RBFOX1: variants seen among roughly 807,000 people sequenced by gnomAD.
The protein encoded by RBFOX1 is RNA binding fox-1 homolog 1, also known as RNA binding protein fox-1 homolog 1.
A neutral mutation model predicts 57.7 loss-of-function variants in RBFOX1; 8 were observed. The observed-to-expected ratio is 0.14, with a 90% CI of 0.08 to 0.25. The LOEUF is 0.25. RBFOX1 is among the 10% of genes least tolerant of loss of function. The pLI, the probability that RBFOX1 is intolerant of heterozygous loss-of-function variation, is 1.00. For synonymous variants in RBFOX1, 326 were observed against 222.4 expected (o/e 1.47, Z -4.15); for missense variants, 611 against 548.5 (o/e 1.11, Z -1.14).
intron 1 of RBFOX1, among the ~76,000 whole-genome samples, chr16:5,373,810 G>C (rs559678154): frequency 2.2e-4 from 34 of 152,212 alleles, no homozygotes; most frequent in Middle Eastern, 3.4e-3. Flanking sequence ...CACCATACTG[G>C]TCAGGCTGGT....
At chr16:7,053,933 G>C (rs890178287) in intron 4 of RBFOX1, among the ~76,000 whole-genome samples, 3 of 151,980 alleles carry the variant, frequency 2.0e-5, no homozygotes, top group African/African-American at 2.4e-5. Context: ...ACATATATAG[G>C]GTTCAAAATT....
At chr16:6,730,092 C>T (rs187308507) in intron 3 of RBFOX1, among the ~76,000 whole-genome samples, 19 of 152,244 alleles carry the variant, frequency 1.2e-4, no homozygotes, top group Non-Finnish European at 2.2e-4. Context: ...GTTAGAAAGA[C>T]ATCTCTCCAC....
chr16:6,883,981 T>C (rs2063459755), intron 3 of RBFOX1, among the ~76,000 whole-genome samples: 1 of 152,116 alleles, frequency 6.6e-6, no homozygotes, highest in African/African-American at 2.4e-5. Context: ...GATGGGGAGA[T>C]TGTGAAAACT....
At chr16:5,755,710 T>A (rs2053368683) in intron 3 of RBFOX1, among the ~76,000 whole-genome samples, 1 of 152,234 alleles carries the variant, frequency 6.6e-6, no homozygotes, top group Non-Finnish European at 1.5e-5. Context: ...GCGATTCTCC[T>A]GACTCGGCCT....
At chr16:5,916,518 G>A (rs753497324) in intron 4 of RBFOX1, among the ~76,000 whole-genome samples, 1 of 152,022 alleles carries the variant, frequency 6.6e-6, no homozygotes, top group Non-Finnish European at 1.5e-5. Flanking sequence ...TTAAGCTTTT[G>A]TAGGGGCCTA....
intron 1 of RBFOX1, among the ~76,000 whole-genome samples, chr16:6,130,718 G>T (rs1251828540): frequency 6.6e-6 from 1 of 152,118 alleles, no homozygotes; most frequent in Admixed American, 6.6e-5. Context: ...AAGAAAGCTG[G>T]TGTGTCTGTA....
chr16:6,506,395 C>G (rs546528045), intron 2 of RBFOX1, among the ~76,000 whole-genome samples: 1 of 151,942 alleles, frequency 6.6e-6, no homozygotes, highest in East Asian at 1.9e-4. Flanking sequence ...GAAGGCAGAA[C>G]CAGGGTGGAA....
intron 3 of RBFOX1, among the ~76,000 whole-genome samples, chr16:6,841,543 G>C (rs575375087): frequency 1.3e-5 from 2 of 152,296 alleles, no homozygotes; most frequent in South Asian, 4.2e-4. Flanking sequence ...ACGCTAATGA[G>C]GCGAGTATTA....
chr16:6,425,421 A>T (rs113879742), intron 2 of RBFOX1, among the ~76,000 whole-genome samples: 2 of 152,236 alleles, frequency 1.3e-5, no homozygotes, highest in South Asian at 4.1e-4. Flanking sequence ...GTAGTGTTCA[A>T]TTTGCCTTCT....
At chr16:6,911,039 A>G (rs1316150511) in intron 3 of RBFOX1, among the ~76,000 whole-genome samples, 1 of 152,020 alleles carries the variant, frequency 6.6e-6, no homozygotes, top group Non-Finnish European at 1.5e-5. Flanking sequence ...CGTCTCTACC[A>G]AAAATACAAA....
At chr16:6,495,375 C>T (rs771915289) in intron 2 of RBFOX1, among the ~76,000 whole-genome samples, 1 of 151,822 alleles carries the variant, frequency 6.6e-6, no homozygotes, top group Non-Finnish European at 1.5e-5. Context: ...GCCCCCCGCC[C>T]CCGCCTTGGC....
intron 14 of RBFOX1, among the ~76,000 whole-genome samples, chr16:7,694,098 G>C (rs2078041816): frequency 6.6e-6 from 1 of 152,166 alleles, no homozygotes; most frequent in Non-Finnish European, 1.5e-5. Flanking sequence ...TGCCAAGATA[G>C]GTGAATGCCT....
At chr16:5,855,362 T>C (rs1191202733) in intron 3 of RBFOX1, among the ~76,000 whole-genome samples, 1 of 152,214 alleles carries the variant, frequency 6.6e-6, no homozygotes, top group East Asian at 1.9e-4. Flanking sequence ...TCAAGTCTTA[T>C]GTTTGAGTCT....
intron 14 of RBFOX1, among the ~76,000 whole-genome samples, chr16:7,707,296 T>C (rs2082771330): frequency 6.6e-6 from 1 of 152,140 alleles, no homozygotes; most frequent in African/African-American, 2.4e-5. Context: ...CATCACGCTT[T>C]CTTCACCTTC....
At chr16:5,962,188 G>T (rs2059763536) in intron 4 of RBFOX1, among the ~76,000 whole-genome samples, 1 of 152,072 alleles carries the variant, frequency 6.6e-6, no homozygotes, top group South Asian at 2.1e-4. Flanking sequence ...ATATATAGTT[G>T]GTCAAAACAT....
chr16:6,914,919 G>A (rs764950615), intron 3 of RBFOX1, among the ~76,000 whole-genome samples: 1 of 152,194 alleles, frequency 6.6e-6, no homozygotes, highest in African/African-American at 2.4e-5. Context: ...GTTTGAGACA[G>A]CCCTCACTCA....
chr16:7,129,772 CAA>C (rs1172797804), intron 4 of RBFOX1, among the ~76,000 whole-genome samples: 1 of 120,940 alleles, frequency 8.3e-6, no homozygotes, highest in East Asian at 2.7e-4. Flanking sequence ...CTCCTAGCTG[CAA>C]AGAGACATTT....
chr16:7,675,551 T>TACTC (rs1476792387), intron 13 of RBFOX1, among the ~76,000 whole-genome samples: 2 of 152,352 alleles, frequency 1.3e-5, no homozygotes, highest in Non-Finnish European at 2.9e-5. Context: ...ATAGCATATT[T>TACTC]ACTCTGAAAG....
chr16:7,106,447 C>A (rs2063598664), intron 4 of RBFOX1, among the ~76,000 whole-genome samples: 1 of 152,084 alleles, frequency 6.6e-6, no homozygotes, highest in South Asian at 2.1e-4. Context: ...AAGAAAAAAA[C>A]ACCCTTGGGA....
Sources: allele counts gnomAD v4.1 joint callset (sites outside exome capture counted in the v4.1 genomes callset), GRCh38; gene constraint gnomAD v4.1.1; transcripts MANE v1.5; gene names NCBI Gene and HGNC (gene_info 2026-07-23, HGNC 2026-07-21).